The following CPNE4 variants were observed in gnomAD, a reference collection of about 807,000 sequenced individuals.
The protein encoded by CPNE4 is copine-4.
In CPNE4, 25 loss-of-function variants were observed where a neutral mutation model predicts 67.9. The observed-to-expected ratio is 0.37, with a 90% CI of 0.27 to 0.51. CPNE4 has a LOEUF of 0.51. CPNE4 is among the 20% of genes least tolerant of loss of function. The pLI is 0.93. For missense variants in CPNE4, 464 were observed against 690.8 expected (o/e 0.67, Z 3.68); for synonymous variants, 242 against 244.9 (o/e 0.99, Z 0.11).
chr3:131,893,900 A>G (rs2088216602), intron 2 of CPNE4, among the ~76,000 whole-genome samples: 1 of 151,858 alleles, frequency 6.6e-6, no homozygotes, highest in Admixed American at 6.6e-5. Flanking sequence ...CACCTCAAGA[A>G]ACTTAGAGAA....
chr3:131,680,036 C>T (rs917539326), intron 6 of CPNE4, among the ~76,000 whole-genome samples: 1 of 152,058 alleles, frequency 6.6e-6, no homozygotes, highest in African/African-American at 2.4e-5. Flanking sequence ...GTTAAAGTCT[C>T]CCACTATTAT....
intron 1 of CPNE4, among the ~76,000 whole-genome samples, chr3:131,963,095 T>C (rs1418832825): frequency 1.3e-5 from 2 of 151,774 alleles, no homozygotes; most frequent in African/African-American, 4.8e-5. Context: ...GTGCAGCCCA[T>C]GTAGGGCAAG....
chr3:131,926,108 A>G (rs777697584), intron 1 of CPNE4, among the ~76,000 whole-genome samples: 1 of 152,194 alleles, frequency 6.6e-6, no homozygotes, highest in Non-Finnish European at 1.5e-5. Context: ...GCCAACTAGC[A>G]TGAGCTGTTG....
chr3:131,872,716 T>C (rs9834748), intron 2 of CPNE4, among the ~76,000 whole-genome samples: 96,022 of 151,778 alleles, frequency 0.63, 30,589 homozygotes, highest in Admixed American at 0.72. Context: ...GTCTCTCTCT[T>C]TATCTCTCGG....
intron 14 of CPNE4, among the ~76,000 whole-genome samples, chr3:131,545,719 A>T (rs928245596): frequency 6.6e-6 from 1 of 152,212 alleles, no homozygotes; most frequent in Admixed American, 6.5e-5. Flanking sequence ...TGCTAACTGC[A>T]TTTCAATATA....
intron 1 of CPNE4, among the ~76,000 whole-genome samples, chr3:132,033,931 C>T (rs926077303): frequency 3.9e-5 from 6 of 152,212 alleles, no homozygotes; most frequent in Admixed American, 2.6e-4. Flanking sequence ...CTGTCCCCGT[C>T]CCCCTTTCCT....
In CPNE4 at chr3:131,691,345, C is replaced by T. The variant is rs577062549; in HGVS notation, c.507+5197G>A. The stretch of plus-strand genomic sequence containing the variant: ...TGAATAGGATAAAGAAAATTTGGCA[C>T]TTATATACCATAGAATACTACACAG... On this transcript the variant is annotated intron_variant, in intron 5 of 15. Coordinates refer to ENST00000429747, the MANE Select transcript of CPNE4 (RefSeq NM_130808.3). 3.9e-4 allele frequency among the ~76,000 whole-genome samples: 60 copies of T among 152,258 alleles called. 1 individual carries two copies. The highest frequency in any genetic ancestry group is 1.3e-3 in the African/African-American group (52 of 41,560).
chr3:131,868,583 C>A (rs545226198), intron 2 of CPNE4, among the ~76,000 whole-genome samples: 3 of 152,232 alleles, frequency 2.0e-5, no homozygotes, highest in Admixed American at 2.0e-4. Flanking sequence ...ACTTGCAGCC[C>A]AAATAAATTC....
chr3:131,659,908 T>C (rs1582976133), intron 7 of CPNE4, among the ~76,000 whole-genome samples: 1 of 152,212 alleles, frequency 6.6e-6, no homozygotes, highest in East Asian at 1.9e-4. Flanking sequence ...GGCAGTTGTT[T>C]CACAAGGAGC....
chr3:131,576,954 T>C (rs1670805482), intron 9 of CPNE4, among the ~76,000 whole-genome samples: 1 of 151,936 alleles, frequency 6.6e-6, no homozygotes. Context: ...AAATGATTGG[T>C]TTGTATATCA....
chr3:131,609,781 T>C (rs963361704), intron 7 of CPNE4, among the ~76,000 whole-genome samples: 1 of 152,186 alleles, frequency 6.6e-6, no homozygotes, highest in African/African-American at 2.4e-5. Context: ...GGAATTAATA[T>C]AAACATTATT....
chr3:131,859,287 C>A (rs1317481912), intron 2 of CPNE4, among the ~76,000 whole-genome samples: 1 of 152,056 alleles, frequency 6.6e-6, no homozygotes, highest in Non-Finnish European at 1.5e-5. Flanking sequence ...TGAAGCTCCC[C>A]AAGATAGCCA....
chr3:131,672,749 A>G (rs1457713940), intron 6 of CPNE4, among the ~76,000 whole-genome samples: 1 of 151,972 alleles, frequency 6.6e-6, no homozygotes, highest in African/African-American at 2.4e-5. Flanking sequence ...CCCCTGTCAG[A>G]TGGATAGTTG....
chr3:131,591,949 A>T lies in CPNE4; in HGVS notation c.682-4367T>A, dbSNP rs148173515. Among the ~76,000 whole-genome samples the T allele has an allele frequency of 3.1e-4, 47 of 152,324 alleles. No homozygotes were observed. The East Asian group carries it at 8.9e-3, about 29-fold the overall frequency. On this transcript the variant is annotated intron_variant, in intron 7 of 15. Transcript: ENST00000429747. ...TGTGAGAGCATAGCACCTCAAAACT[A>T]TCACAAGCCAGAAAACCTTCTCAGG...
rs187541230 is a variant in CPNE4, at chr3:131,921,122, T to C, written c.-1-15678A>G. 4.0e-3 allele frequency among the ~76,000 whole-genome samples: 604 copies of C among 152,284 alleles called. 6 individuals are homozygous for C. Among genetic ancestry groups the C allele is most frequent in the African/African-American group, 0.014 (581 of 41,568 alleles). ...GGGTGACAAGAGTGACAACTTTGCC[T>C]CTGCATCTCAGAAACTCACTTCCCC... On this transcript the variant is annotated intron_variant, in intron 1 of 15. Coordinates refer to ENST00000429747, the MANE Select transcript of CPNE4 (RefSeq NM_130808.3).
In CPNE4 at chr3:131,663,331, G is replaced by T. The variant is rs541992953; in HGVS notation, c.681+6344C>A. 1.7e-3 allele frequency among the ~76,000 whole-genome samples: 259 copies of T among 152,160 alleles called. 2 individuals are homozygous for T. Among genetic ancestry groups the T allele is most frequent in the South Asian group, 0.014 (66 of 4,812 alleles). ...TGTCAGGGGGTGGGAGGCAAGGGGA[G>T]GGAGAGCATCAGGACAAATACCTAA... is the stretch of plus-strand genomic sequence containing the variant. On this transcript the variant is annotated intron_variant, in intron 7 of 15. Transcript: ENST00000429747.
intron 2 of CPNE4, among the ~76,000 whole-genome samples, chr3:131,789,434 G>T (rs1429575727): frequency 6.6e-6 from 1 of 152,252 alleles, no homozygotes; most frequent in Admixed American, 6.5e-5. Context: ...GAGCTAGACT[G>T]CCTTGGTTCA....
At chr3:132,004,419 T>C (rs1234179003) in intron 1 of CPNE4, among the ~76,000 whole-genome samples, 2 of 152,172 alleles carry the variant, frequency 1.3e-5, no homozygotes, top group Non-Finnish European at 2.9e-5. Flanking sequence ...TGTATGTACA[T>C]GTGGAGAGAC....
intron 2 of CPNE4, among the ~76,000 whole-genome samples, chr3:131,892,342 T>C (rs1277292900): frequency 6.6e-6 from 1 of 152,080 alleles, no homozygotes; most frequent in East Asian, 1.9e-4. Flanking sequence ...AATGCTATTC[T>C]TCAGAAATGA....
Sources: gnomAD v4.1 joint callset for allele counts (sites outside exome capture counted in the v4.1 genomes callset) on GRCh38, gnomAD v4.1.1 for gene constraint, MANE v1.5 for transcripts, NCBI Gene and HGNC (gene_info 2026-07-23, HGNC 2026-07-21) for gene names.